CLUH: variants seen among roughly 807,000 people sequenced by gnomAD.
CLUH encodes CLUH binding protein of NUMT mRNA.
A neutral mutation model predicts 139.3 loss-of-function variants in CLUH; 77 were observed. The observed-to-expected ratio is 0.55, with a 90% CI of 0.46 to 0.67. CLUH has a LOEUF of 0.67. Ranked by LOEUF, CLUH falls within the 30% of genes least tolerant of loss-of-function variation. CLUH has a pLI of 0.00. For missense variants in CLUH, 1,876 were observed against 1,875.8 expected, an observed-to-expected ratio of 1.00 and a Z score of 0.00; for synonymous variants, 999 against 801.6, an observed-to-expected ratio of 1.25 and a Z score of -4.16.
At chr17:2,709,346 C>T (rs1278659686) in intron 1 of CLUH, among the ~76,000 whole-genome samples, 2 of 152,172 alleles carry the variant, frequency 1.3e-5, no homozygotes. Context: ...TATGGAAGAA[C>T]CTACAGACCA....
Position 2,704,675 on chromosome 17 carries a change from C to T in CLUH, c.101-111G>A, listed in dbSNP as rs569843836. On this transcript the variant is annotated intron_variant, in intron 1 of 25. Transcript: ENST00000651024. The surrounding 1 kb of genome is among the most constrained non-coding windows in gnomAD (Gnocchi z 5.7). ...TTCTGGAAAGGCATCTGCATGCCCTCGAGAGTCCCAGCCTCACGGTCGCGC... is the reference window on the plus strand; with the variant it reads ...TTCTGGAAAGGCATCTGCATGCCCTTGAGAGTCCCAGCCTCACGGTCGCGC... 112 of 1,054,668 alleles carry T rather than the reference C, an allele frequency of 1.1e-4. 1 individual carries two copies. Among genetic ancestry groups the T allele is most frequent in the East Asian group, 9.4e-4 (36 of 38,276 alleles). The allele number at this position is 1,054,668 out of a possible 1,614,324, so 65.3% of individuals were successfully genotyped here.
intron 1 of CLUH, among the ~76,000 whole-genome samples, chr17:2,708,522 G>C (rs113519905): frequency 0.03 from 4,540 of 152,138 alleles, 233 homozygotes; most frequent in African/African-American, 0.1. Flanking sequence ...GGCTCCAGAA[G>C]GCTAGGAAGC....
At position 2,704,732 on chromosome 17, in the gene CLUH, A is replaced by G. The variant is rs1176758073; in HGVS notation, c.101-168T>C. Among the ~76,000 whole-genome samples, 2 of 151,462 alleles carry G rather than the reference A, an allele frequency of 1.3e-5. No homozygotes were observed. The highest frequency in any genetic ancestry group is 4.9e-5 in the African/African-American group (2 of 41,144). Reference sequence around the variant, plus strand: ...CTCCGTGCACCTGCAGGCCACTTCCACACCCAGCCGCCCCTCCCAGCCACT... The same window carrying G: ...CTCCGTGCACCTGCAGGCCACTTCCGCACCCAGCCGCCCCTCCCAGCCACT... On this transcript the variant is annotated intron_variant, in intron 1 of 25. Coordinates refer to ENST00000651024, the MANE Select transcript of CLUH (RefSeq NM_001366661.1). The surrounding 1 kb of genome is among the most constrained non-coding windows in gnomAD (Gnocchi z 5.7).
At position 2,694,838 on chromosome 17, in the gene CLUH, G is replaced by GGCCCCC; in HGVS notation, c.2852+18_2852+19insGGGGGC. On this transcript the variant is annotated intron_variant, in intron 16 of 25. Transcript: ENST00000651024. ...TCTGCCCAATCCCACCCACCCCACCGCCCCTGCCCCGCACGCACCACTCGA... is the reference window on the plus strand; with the variant it reads ...TCTGCCCAATCCCACCCACCCCACCGGCCCCCCCCCTGCCCCGCACGCACCACTCGA... 1.5e-6 allele frequency: 1 copy of GGCCCCC among 671,534 alleles called. No individual in the cohort carries two copies. The highest frequency in any genetic ancestry group is 2.3e-6 in the Non-Finnish European group (1 of 435,612). The allele number at this position is 671,534 out of a possible 1,614,324, so 41.6% of individuals were successfully genotyped here.
At chr17:2,691,935 CCGCGG>C (rs2069664470) in intron 23 of CLUH, 40 bp from the exon 24 acceptor site, 1 of 1,125,918 alleles carries the variant, frequency 8.9e-7, no homozygotes, top group Non-Finnish European at 1.1e-6. Flanking sequence ...CCCCGTGCCC[CCGCGG>C]CCCCGCCCCC....
rs759399713 is a variant in CLUH, at chr17:2,704,568, C to T, written c.101-4G>A. ...AAGAGCATGACTGATGGCAGCTCTG[C>T]GGGTGACAAGAACGGGTCAGAATCA... On this transcript the variant is annotated splice_polypyrimidine_tract_variant and splice_region_variant and intron_variant, in intron 1 of 25. Coordinates refer to ENST00000651024, the MANE Select transcript of CLUH (RefSeq NM_001366661.1). The surrounding 1 kb of genome is among the most constrained non-coding windows in gnomAD (Gnocchi z 5.7). 1.0e-5 allele frequency: 16 copies of T among 1,550,722 alleles called. No homozygotes were observed. Among genetic ancestry groups the T allele is most frequent in the South Asian group, 8.3e-5 (7 of 84,528 alleles).
Position 2,692,625 on chromosome 17 carries a change from G to C in CLUH, c.3384C>G (p.Arg1128=), listed in dbSNP as rs894788707. The change falls in exon 21 of 26, where the codon CGC becomes CGG. Residue 1128 remains arginine, a synonymous_variant. Coordinates refer to ENST00000651024, the MANE Select transcript of CLUH (RefSeq NM_001366661.1). ...CCCCGAACACCAGCAGCATGAGGTA[G>C]CGGGCGCGGTACAGCAGGCTCAGGG... is the stretch of plus-strand genomic sequence containing the variant. ...STALSLLYRA[R]YLMLLVFGED... 1 of 1,612,964 alleles carries C rather than the reference G, an allele frequency of 6.2e-7. No homozygotes were observed. Among genetic ancestry groups the C allele is most frequent in the Non-Finnish European group, 8.5e-7 (1 of 1,179,594 alleles).
rs1331730329 is a variant in CLUH at position 2,709,324 on chromosome 17, G to A, written c.100+2238C>T. On this transcript the variant is annotated intron_variant, in intron 1 of 25. Transcript: ENST00000651024. ...GGGCTTCAGGGAAAGGCAATGGGGC[G>A]GGCAGGCGGCCTATGGAAGAACCTA... Among the ~76,000 whole-genome samples the A allele has an allele frequency of 7.9e-5, 12 of 152,254 alleles. No homozygotes were observed. In the South Asian group the frequency reaches 1.5e-3, roughly 18 times the overall value.
Position 2,698,102 on chromosome 17 carries a change from G to A in CLUH, c.1755C>T (p.Ser585=). 6.2e-7 allele frequency: 1 copy of A among 1,603,008 alleles called. No homozygotes were observed. The highest frequency in any genetic ancestry group is 1.3e-5 in the African/African-American group (1 of 74,896). The change falls in exon 10 of 26, where the codon TCC becomes TCT. Residue 585 remains serine, a synonymous_variant. Coordinates refer to ENST00000651024, the MANE Select transcript of CLUH (RefSeq NM_001366661.1). The part of the protein sequence containing the change: ...NDRDEEVELC[S]SVECKGIIGN... ...CAATGATGCCCTTGCACTCGACCGA[G>A]GAGCAGAGCTCCACCTCCTCGTCAC...
At position 2,701,442 on chromosome 17, in the gene CLUH, T is replaced by A. The variant is rs202243507; in HGVS notation, c.823A>T (p.Met275Leu). 139 of 1,613,434 alleles carry A rather than the reference T, an allele frequency of 8.6e-5. No homozygotes were observed. The Middle Eastern group carries it at 9.9e-4, about 11-fold the overall frequency. ...TCGGCTGTGATCACAAACAGGTACA[T>A]GAGGTCCCCGTGCATCTTCCGGTTC... ...PGNRKMHGDL[M>L]YLFVITAEDR... is the part of the protein sequence containing the mutation. The change falls in exon 6 of 26, where the codon ATG (methionine) becomes TTG (leucine). Residue 275 changes from methionine to leucine, a missense_variant. Met to Leu is a conservative substitution (Grantham distance 15). Around this residue, in one of 3 missense-constraint regions of CLUH, gnomAD observed 270 missense variants for 354.7 expected, o/e 0.76. Transcript: ENST00000651024.
rs935241236 is a variant in CLUH, at chr17:2,707,039, C to T, written c.101-2475G>A. On this transcript the variant is annotated intron_variant, in intron 1 of 25. Transcript: ENST00000651024. This position sits in a 1 kb window ranked among gnomAD's most constrained non-coding sequence, Gnocchi z 7.4. ...GGAATGCAGCTGGCTCCCAAGGGGC[C>T]TCCTCTCCCCAGGACAGCATGTTTT... The T allele has an allele frequency of 5.4e-6, 2 of 369,960 alleles. No homozygotes were observed. Among genetic ancestry groups the T allele is most frequent in the African/African-American group, 4.4e-5 (2 of 45,454 alleles). The allele number at this position is 369,960 out of a possible 1,614,324, so 22.9% of individuals were successfully genotyped here. A position where few individuals can be genotyped will look rare whatever the true frequency, so the allele number is the denominator to read the frequency against.
intron 12 of CLUH, 77 bp downstream of exon 12, chr17:2,696,357 C>A (rs966318663): frequency 1.5e-5 from 23 of 1,511,300 alleles, no homozygotes; most frequent in Non-Finnish European, 1.9e-5. Flanking sequence ...ACAAACCCAC[C>A]AGCCCCAAGG....
intron 16 of CLUH, 85 bp downstream of exon 16, chr17:2,694,772 A>G: frequency 1.4e-6 from 2 of 1,444,188 alleles, no homozygotes; most frequent in South Asian, 2.9e-5. Flanking sequence ...CTATGACCAC[A>G]GGCCTTAGAC....
At position 2,691,823 on chromosome 17, in the gene CLUH, G is replaced by A. The variant is rs1163803003; in HGVS notation, c.3727C>T (p.Leu1243=). The stretch of plus-strand genomic sequence containing the variant: ...TAGATCTCGTTCATGGTGCGCTGCA[G>A]GGCCACGGCCTGCTGGGTCAGGCAC... ...LKCLTQQAVA[L]QRTMNEIYRN... is the part of the protein sequence containing the mutation. Residue 1243 remains leucine, a synonymous_variant, in exon 24 of 26, where the codon CTG becomes TTG. Coordinates refer to ENST00000651024, the MANE Select transcript of CLUH (RefSeq NM_001366661.1). 1.3e-6 allele frequency: 2 copies of A among 1,572,454 alleles called. No individual in the cohort carries two copies. The highest frequency in any genetic ancestry group is 1.9e-5 in the Admixed American group (1 of 53,724).
In CLUH at chr17:2,707,739, A is replaced by AC. The variant is rs2070389060; in HGVS notation, c.101-3176_101-3175insG. 1 of 985,278 alleles carries AC rather than the reference A, an allele frequency of 1.0e-6. No individual in the cohort carries two copies. Among genetic ancestry groups the AC allele is most frequent in the Non-Finnish European group, 1.2e-6 (1 of 829,910 alleles). The allele number at this position is 985,278 out of a possible 1,614,324, so 61.0% of individuals were successfully genotyped here. A position where few individuals can be genotyped will look rare whatever the true frequency, so the allele number is the denominator to read the frequency against. ...GCTGGCACAGACCCGGGTCCAGGCC[A>AC]TAAGGTGGCTGCCTCTGCCCACCAG... On this transcript the variant is annotated intron_variant, in intron 1 of 25. Transcript: ENST00000651024. The surrounding 1 kb of genome is among the most constrained non-coding windows in gnomAD (Gnocchi z 7.4).
intron 13 of CLUH, 86 bp downstream of exon 13, chr17:2,696,073 G>T (rs908004673): frequency 9.1e-7 from 1 of 1,104,646 alleles, no homozygotes; most frequent in Non-Finnish European, 1.3e-6. Flanking sequence ...CTGCGAGCCT[G>T]TGTTCATGGG....
intron 3 of CLUH, among the ~76,000 whole-genome samples, chr17:2,702,813 C>T (rs1465365164): frequency 6.6e-6 from 1 of 151,758 alleles, no homozygotes; most frequent in Non-Finnish European, 1.5e-5. Flanking sequence ...AGAATCACGG[C>T]TCTGTTCTTT....
chr17:2,691,721 C>T lies in CLUH; in HGVS notation c.3790-39G>A, dbSNP rs201147971. 1.6e-3 allele frequency: 2,580 copies of T among 1,604,150 alleles called. 4 individuals carry two copies. Among genetic ancestry groups the T allele is most frequent in the Non-Finnish European group, 1.8e-3 (2,148 of 1,175,590 alleles). ...AAACCAGCGGTGAGCGGGGCTCCCG[C>T]GCTCGCCGGGCCGGAGGGGCCGCTC... On this transcript the variant is annotated intron_variant, in intron 24 of 25. Coordinates refer to ENST00000651024, the MANE Select transcript of CLUH (RefSeq NM_001366661.1).
chr17:2,694,266 T>C lies in CLUH; in HGVS notation c.2948A>G (p.Lys983Arg), dbSNP rs772298918. Reference sequence around the variant, plus strand: ...GTGGCGACTGTCGAAGCTGTACTCCTTCAGCAGGACCTGGGGGGCAGCCCC... The same window carrying C: ...GTGGCGACTGTCGAAGCTGTACTCCCTCAGCAGGACCTGGGGGGCAGCCCC... ...SLKTGIQVLL[K>R]EYSFDSRHKP... The change falls in exon 18 of 26, where the codon AAG (lysine) becomes AGG (arginine). Residue 983 changes from lysine to arginine, a missense_variant. Lys to Arg is a conservative substitution (Grantham distance 26). Around this residue, in one of 3 missense-constraint regions of CLUH, gnomAD observed 1,454 missense variants for 1,384.4 expected, o/e 1.05. Coordinates refer to ENST00000651024, the MANE Select transcript of CLUH (RefSeq NM_001366661.1). 18 of 1,592,028 alleles carry C rather than the reference T, an allele frequency of 1.1e-5. No individual in the cohort carries two copies. In the South Asian group the frequency reaches 2.1e-4, roughly 18 times the overall value.
Sources: gnomAD v4.1 joint callset for allele counts (sites outside exome capture counted in the v4.1 genomes callset) on GRCh38, gnomAD v4.1.1 for gene constraint, gnomAD v4.1.1 regional missense constraint, Gnocchi (gnomAD v3.1) non-coding constraint, MANE v1.5 for transcripts, NCBI Gene and HGNC (gene_info 2026-07-23, HGNC 2026-07-21) for gene names.